RALGAPA1: variants seen among roughly 807,000 people sequenced by gnomAD.
The protein encoded by RALGAPA1 is ral GTPase-activating protein subunit alpha-1.
In RALGAPA1, 52 loss-of-function variants were observed where a neutral mutation model predicts 269.6. The observed-to-expected ratio is 0.19, with a 90% CI of 0.15 to 0.24. RALGAPA1 has a LOEUF of 0.24. Among genes scored for constraint, RALGAPA1 ranks in the 10% least tolerant of loss-of-function variants. The pLI, the probability that RALGAPA1 is intolerant of heterozygous loss-of-function variation, is 1.00. For missense variants in RALGAPA1, 1,917 were observed against 3,013.9 expected, an observed-to-expected ratio of 0.64 and a Z score of 8.52; for synonymous variants, 817 against 1,008.3, an observed-to-expected ratio of 0.81 and a Z score of 3.60.
chr14:35,804,776 A>T (rs928633546), intron 1 of RALGAPA1, among the ~76,000 whole-genome samples: 30 of 150,182 alleles, frequency 2.0e-4, no homozygotes, highest in African/African-American at 6.4e-4. Context: ...ACAAAAAAAA[A>T]TTTTTTTTAA....
At chr14:35,696,177 G>T (rs1431629614) in intron 17 of RALGAPA1, among the ~76,000 whole-genome samples, 2 of 152,176 alleles carry the variant, frequency 1.3e-5, no homozygotes, top group African/African-American at 2.4e-5. Flanking sequence ...AGGATCACTT[G>T]AGCCCAGGAG....
At chr14:35,784,528 C>T (rs913718447) in intron 1 of RALGAPA1, among the ~76,000 whole-genome samples, 1 of 152,018 alleles carries the variant, frequency 6.6e-6, no homozygotes, top group African/African-American at 2.4e-5. Context: ...TTTTGCTGAT[C>T]TATTCCTTTT....
chr14:35,728,808 C>T lies in RALGAPA1; in HGVS notation c.1588-298G>A, dbSNP rs555508758. Among the ~76,000 whole-genome samples, 51 of 151,740 alleles carry T rather than the reference C, an allele frequency of 3.4e-4. 3 individuals are homozygous for T. In the South Asian group the frequency reaches 9.8e-3, roughly 29 times the overall value. On this transcript the variant is annotated intron_variant, in intron 12 of 41. Coordinates refer to ENST00000680220, the MANE Select transcript of RALGAPA1 (RefSeq NM_001346249.2). ...AATGCAGCGGTATGATTTCGGCTCA[C>T]TGCAACCTCTGCCTCCTAGGTTCAA... is the stretch of plus-strand genomic sequence containing the variant.
chr14:35,686,681 A>C lies in RALGAPA1; in HGVS notation c.3953-15T>G. 6.8e-7 allele frequency: 1 copy of C among 1,467,448 alleles called. No individual in the cohort carries two copies. Among genetic ancestry groups the C allele is most frequent in the Non-Finnish European group, 9.3e-7 (1 of 1,077,722 alleles). The allele number at this position is 1,467,448 out of a possible 1,614,324, so 90.9% of individuals were successfully genotyped here. A position where few individuals can be genotyped will look rare whatever the true frequency, so the allele number is the denominator to read the frequency against. On this transcript the variant is annotated splice_polypyrimidine_tract_variant and intron_variant, in intron 18 of 41. Transcript: ENST00000680220. ...CTCTTTATTGACTAAAAATAAATAAATAACTATATATAGTGAGGAAAAACT... is the reference window on the plus strand; with the variant it reads ...CTCTTTATTGACTAAAAATAAATAACTAACTATATATAGTGAGGAAAAACT...
chr14:35,542,132 T>G (rs1243520971), intron 41 of RALGAPA1: 5 of 559,096 alleles, frequency 8.9e-6, no homozygotes, highest in African/African-American at 8.0e-5. Context: ...ACTGTTGGCA[T>G]GTTATCCTAA....
intron 17 of RALGAPA1, among the ~76,000 whole-genome samples, chr14:35,698,265 T>TC (rs2067051813): frequency 6.6e-6 from 1 of 152,220 alleles, no homozygotes; most frequent in African/African-American, 2.4e-5. Flanking sequence ...CTGAATTATG[T>TC]ATTTACAGCA....
In RALGAPA1 at chr14:35,775,632, T is replaced by C. The variant is rs548536106; in HGVS notation, c.217+3A>G. ...TACGCCAAGATATATGTTAGCATCT[T>C]ACCTTTCTGTTTAAGACTAGCTTCA... On this transcript the variant is annotated splice_donor_region_variant and intron_variant, in intron 2 of 41. Coordinates refer to ENST00000680220, the MANE Select transcript of RALGAPA1 (RefSeq NM_001346249.2). The C allele has an allele frequency of 1.3e-6, 2 of 1,567,194 alleles. No homozygotes were observed. Among genetic ancestry groups the C allele is most frequent in the African/African-American group, 1.4e-5 (1 of 71,212 alleles).
intron 41 of RALGAPA1, among the ~76,000 whole-genome samples, chr14:35,546,209 A>G (rs1463937620): frequency 2.6e-5 from 4 of 152,104 alleles, no homozygotes; most frequent in African/African-American, 7.2e-5. Flanking sequence ...AAAATCTTTC[A>G]TATCTATTTT....
In RALGAPA1 at chr14:35,684,922, T is replaced by C; in HGVS notation, c.4294+7A>G. 1 of 1,612,260 alleles carries C rather than the reference T, an allele frequency of 6.2e-7. No individual in the cohort carries two copies. The highest frequency in any genetic ancestry group is 1.1e-5 in the South Asian group (1 of 90,680). On this transcript the variant is annotated splice_region_variant and intron_variant, in intron 20 of 41. Coordinates refer to ENST00000680220, the MANE Select transcript of RALGAPA1 (RefSeq NM_001346249.2). ...AAACATAGTATTCAAATAGAAAAGA[T>C]ACTTGCTGTCAAATTTTCGGCCATC...
chr14:35,605,552 A>T lies in RALGAPA1; in HGVS notation c.7053+34T>A, dbSNP rs201422980. Reference sequence around the variant, plus strand: ...AAAGAAAAATAAGCTTATGCTTCCAAATATAAATATTTCGTATAATTTAAA... The same window carrying T: ...AAAGAAAAATAAGCTTATGCTTCCATATATAAATATTTCGTATAATTTAAA... On this transcript the variant is annotated intron_variant, in intron 36 of 41. Transcript: ENST00000680220. The T allele has an allele frequency of 2.5e-5, 39 of 1,547,266 alleles. No individual in the cohort carries two copies. The East Asian group carries it at 8.7e-4, about 35-fold the overall frequency.
intron 9 of RALGAPA1, among the ~76,000 whole-genome samples, chr14:35,749,599 T>C (rs1234075931): frequency 6.6e-6 from 1 of 152,130 alleles, no homozygotes; most frequent in African/African-American, 2.4e-5. Context: ...CCAAAAACAT[T>C]TATGATTTTC....
At chr14:35,788,706 C>T (rs996773055) in intron 1 of RALGAPA1, among the ~76,000 whole-genome samples, 1 of 152,060 alleles carries the variant, frequency 6.6e-6, no homozygotes, top group Non-Finnish European at 1.5e-5. Flanking sequence ...TATCTTATAC[C>T]CTCTGCCATA....
Position 35,609,761 on chromosome 14 carries a change from A to G in RALGAPA1, c.6930-4052T>C, listed in dbSNP as rs544431081. Among the ~76,000 whole-genome samples the G allele has an allele frequency of 2.6e-3, 388 of 151,864 alleles. 10 individuals are homozygous for G. The highest frequency in any genetic ancestry group is 4.1e-4 in the Non-Finnish European group (28 of 67,918). ...AACACAGAGAGACCCCATCTCTACA[A>G]AAAGAAAAAAACCAGCTGGGTGTGA... On this transcript the variant is annotated intron_variant, in intron 35 of 41. Transcript: ENST00000680220.
intron 24 of RALGAPA1, 115 bp from the exon 25 acceptor site, chr14:35,673,137 A>G: frequency 9.1e-7 from 1 of 1,102,712 alleles, no homozygotes; most frequent in Non-Finnish European, 1.2e-6. Context: ...ATGTTGGCCC[A>G]ATTTCTTTAA....
intron 26 of RALGAPA1, among the ~76,000 whole-genome samples, chr14:35,666,047 ACT>A (rs761840806): frequency 3.9e-4 from 58 of 149,630 alleles, no homozygotes; most frequent in Non-Finnish European, 7.4e-4. Flanking sequence ...AAGGAGTTTC[ACT>A]CTGTCGTGCA....
rs151133355 is a variant in RALGAPA1 at position 35,543,393 on chromosome 14, T to C, written c.*24-3703A>G. ...GAAGGGATAGAAATGAGGAACATTT[T>C]TGAAGAAAATGACCACCTATACAAA... is the stretch of plus-strand genomic sequence containing the variant. On this transcript the variant is annotated intron_variant, in intron 41 of 41. Transcript: ENST00000680220. 2.7e-3 allele frequency among the ~76,000 whole-genome samples: 415 copies of C among 152,320 alleles called. 2 individuals are homozygous for C. Among genetic ancestry groups the C allele is most frequent in the African/African-American group, 7.2e-3 (299 of 41,576 alleles).
At chr14:35,598,897 A>G (rs1433473446) in intron 36 of RALGAPA1, among the ~76,000 whole-genome samples, 1 of 151,800 alleles carries the variant, frequency 6.6e-6, no homozygotes, top group East Asian at 1.9e-4. Flanking sequence ...TCTGTTTTTC[A>G]TTTCTCTGTT....
chr14:35,797,338 C>A (rs1379209276), intron 1 of RALGAPA1, among the ~76,000 whole-genome samples: 13 of 78,242 alleles, frequency 1.7e-4, no homozygotes, highest in East Asian at 1.2e-3. Context: ...GGTGACAGAG[C>A]GAGACTCCGT....
At chr14:35,655,982 C>G in intron 28 of RALGAPA1, 67 bp from the exon 29 acceptor site, 3 of 1,605,732 alleles carry the variant, frequency 1.9e-6, no homozygotes, top group Non-Finnish European at 2.5e-6. Context: ...GACCCACAAT[C>G]AACTGACACA....
Sources: allele counts gnomAD v4.1 joint callset (sites outside exome capture counted in the v4.1 genomes callset), GRCh38; gene constraint gnomAD v4.1.1; transcripts MANE v1.5; gene names NCBI Gene and HGNC (gene_info 2026-07-23, HGNC 2026-07-21).